OSBPL6: variants seen among roughly 807,000 people sequenced by gnomAD.
OSBPL6 encodes oxysterol-binding protein-related protein 6.
In OSBPL6, 49 loss-of-function variants were observed where a neutral mutation model predicts 125.8. That is an observed-to-expected ratio of 0.39 (90% CI 0.31 to 0.49). The LOEUF (loss-of-function observed/expected upper bound fraction) is 0.49. OSBPL6 is among the 20% of genes least tolerant of loss of function. The pLI is 0.88. For synonymous variants in OSBPL6, 394 were observed against 391.8 expected (o/e 1.01, Z -0.07); for missense variants, 986 against 1,135.4 (o/e 0.87, Z 1.89).
intron 13 of OSBPL6, 35 bp downstream of exon 13, chr2:178,361,850 A>G: frequency 6.2e-7 from 1 of 1,612,766 alleles, no homozygotes; most frequent in South Asian, 1.1e-5. Flanking sequence ...TGTACATGAC[A>G]CACTCCCAAC....
At chr2:178,222,870 A>G (rs920222878) in intron 1 of OSBPL6, among the ~76,000 whole-genome samples, 1 of 152,182 alleles carries the variant, frequency 6.6e-6, no homozygotes, top group Non-Finnish European at 1.5e-5. Flanking sequence ...CTTCTCTAGT[A>G]TTTATATTCC....
At chr2:178,320,013 G>C (rs1156355394) in intron 3 of OSBPL6, among the ~76,000 whole-genome samples, 1 of 152,156 alleles carries the variant, frequency 6.6e-6, no homozygotes, top group Admixed American at 6.5e-5. Flanking sequence ...GAAATTTGTA[G>C]CCTCAGTCTA....
At chr2:178,267,353 C>CAAAAAAAAAAAAACAAAAAAAA in intron 1 of OSBPL6, among the ~76,000 whole-genome samples, 1 of 81,754 alleles carries the variant, frequency 1.2e-5, no homozygotes, top group Non-Finnish European at 2.3e-5. Context: ...AACTCCATCT[C>CAAAAAAAAAAAAACAAAAAAAA]AAAAAAAAAA....
chr2:178,248,937 T>C (rs1391436137), intron 1 of OSBPL6, among the ~76,000 whole-genome samples: 1 of 152,178 alleles, frequency 6.6e-6, no homozygotes, highest in Admixed American at 6.5e-5. Context: ...TATTTTTCAT[T>C]CTATTTATTT....
chr2:178,339,179 A>G, intron 10 of OSBPL6, 85 bp downstream of exon 10: 2 of 739,518 alleles, frequency 2.7e-6, no homozygotes, highest in Non-Finnish European at 4.2e-6. Flanking sequence ...ATATAAGGTA[A>G]CATTTAAAGA....
intron 2 of OSBPL6, among the ~76,000 whole-genome samples, chr2:178,304,088 AAGGC>A (rs1686537173): frequency 6.6e-6 from 1 of 152,160 alleles, no homozygotes. Context: ...CTGGGAAATC[AAGGC>A]ACCAGCAGGT....
chr2:178,302,602 CAA>C (rs1686399398), intron 2 of OSBPL6, among the ~76,000 whole-genome samples: 1 of 152,014 alleles, frequency 6.6e-6, no homozygotes, highest in South Asian at 2.1e-4. Flanking sequence ...AAAAAAATAA[CAA>C]AAATTAATAG....
intron 12 of OSBPL6, among the ~76,000 whole-genome samples, chr2:178,360,908 A>G (rs1408235259): frequency 1.3e-5 from 2 of 152,234 alleles, no homozygotes; most frequent in African/African-American, 4.8e-5. Context: ...TTCTCAAATA[A>G]GGAAATACCT....
At chr2:178,279,947 C>T (rs1421544697) in intron 1 of OSBPL6, among the ~76,000 whole-genome samples, 1 of 152,142 alleles carries the variant, frequency 6.6e-6, no homozygotes, top group Non-Finnish European at 1.5e-5. Flanking sequence ...CACCTGGAAT[C>T]CCAGCACTTT....
At chr2:178,393,658 T>C (rs1178585573) in intron 23 of OSBPL6, among the ~76,000 whole-genome samples, 1 of 152,262 alleles carries the variant, frequency 6.6e-6, no homozygotes, top group Non-Finnish European at 1.5e-5. Context: ...TCCTGTTCTT[T>C]GCTCTCATTT....
intron 12 of OSBPL6, among the ~76,000 whole-genome samples, chr2:178,353,042 G>A (rs1480286775): frequency 6.6e-6 from 1 of 151,972 alleles, no homozygotes; most frequent in Non-Finnish European, 1.5e-5. Flanking sequence ...GAAAGGAATA[G>A]CATCAATATC....
chr2:178,359,207 A>G (rs1436524266), intron 12 of OSBPL6, among the ~76,000 whole-genome samples: 1 of 152,188 alleles, frequency 6.6e-6, no homozygotes, highest in African/African-American at 2.4e-5. Context: ...AAATGTTTTT[A>G]AAAAGAAAAC....
At chr2:178,345,896 T>TTTA (rs1176966555) in intron 11 of OSBPL6, among the ~76,000 whole-genome samples, 2 of 152,124 alleles carry the variant, frequency 1.3e-5, no homozygotes, top group African/African-American at 4.8e-5. Context: ...ATAGAATGGG[T>TTTA]TTATATTTTT....
chr2:178,276,001 T>C (rs2092461429), intron 1 of OSBPL6, among the ~76,000 whole-genome samples: 1 of 152,256 alleles, frequency 6.6e-6, no homozygotes, highest in Non-Finnish European at 1.5e-5. Context: ...AGTAGCATTG[T>C]TAAGCAAATG....
rs760859332 is a variant in OSBPL6 at position 178,384,063 on chromosome 2, T to G, written c.1900T>G (p.Ser634Ala). 47 of 1,613,944 alleles carry G rather than the reference T, an allele frequency of 2.9e-5. No individual in the cohort carries two copies. The highest frequency in any genetic ancestry group is 3.9e-5 in the Non-Finnish European group (46 of 1,179,908). ...RMVLVAAFAV[S>A]GYCSTYFRAG... Reference sequence around the variant, plus strand: ...GGTTCTCGTTGCCGCATTTGCAGTTTCAGGATACTGCTCCACCTATTTCAG... The same window carrying G: ...GGTTCTCGTTGCCGCATTTGCAGTTGCAGGATACTGCTCCACCTATTTCAG... Residue 634 changes from serine (S) to alanine (A), a missense_variant, in exon 18 of 25, where the codon TCA becomes GCA. Transcript: ENST00000190611.
intron 4 of OSBPL6, among the ~76,000 whole-genome samples, chr2:178,326,525 GA>G (rs1338827592): frequency 6.6e-5 from 10 of 152,134 alleles, no homozygotes; most frequent in African/African-American, 2.4e-4. Flanking sequence ...TCAATTTTCA[GA>G]AATCAATTTT....
At chr2:178,329,009 G>A (rs1198338394) in intron 5 of OSBPL6, among the ~76,000 whole-genome samples, 2 of 152,176 alleles carry the variant, frequency 1.3e-5, no homozygotes, top group South Asian at 4.1e-4. Flanking sequence ...ATGCATGCAT[G>A]TATCACTTTG....
At chr2:178,279,010 A>G (rs2092524781) in intron 1 of OSBPL6, among the ~76,000 whole-genome samples, 1 of 152,220 alleles carries the variant, frequency 6.6e-6, no homozygotes, top group Non-Finnish European at 1.5e-5. Flanking sequence ...TGGCCCACAT[A>G]TGTGAGAAAA....
chr2:178,266,146 A>C (rs1463665218), intron 1 of OSBPL6, among the ~76,000 whole-genome samples: 2 of 152,168 alleles, frequency 1.3e-5, no homozygotes, highest in Non-Finnish European at 2.9e-5. Flanking sequence ...GTGTGGGATG[A>C]GGCAAGGAAG....
Sources: allele counts gnomAD v4.1 joint callset (sites outside exome capture counted in the v4.1 genomes callset), GRCh38; gene constraint gnomAD v4.1.1; transcripts MANE v1.5; gene names NCBI Gene and HGNC (gene_info 2026-07-23, HGNC 2026-07-21).